DENND4C: variants seen among roughly 807,000 people sequenced by gnomAD.
DENND4C encodes the protein DENN domain containing 4C, also known as DENN domain-containing protein 4C.
DENND4C carries 108 observed loss-of-function variants against 203.0 expected under a neutral mutation model. The observed-to-expected ratio is 0.53, with a 90% CI of 0.46 to 0.62. The LOEUF is 0.62. Ranked by LOEUF, DENND4C falls within the 20% of genes least tolerant of loss-of-function variation. The pLI is 0.00. For missense variants in DENND4C, 2,481 were observed against 2,301.2 expected, an observed-to-expected ratio of 1.08 and a Z score of -1.60; for synonymous variants, 871 against 792.4, an observed-to-expected ratio of 1.10 and a Z score of -1.67.
At chr9:19,241,151 C>T (rs1279268199) in intron 1 of DENND4C, among the ~76,000 whole-genome samples, 1 of 152,064 alleles carries the variant, frequency 6.6e-6, no homozygotes, top group Admixed American at 6.6e-5. Flanking sequence ...ATTACTGTGC[C>T]CTACTGTACA....
In DENND4C at chr9:19,308,097, T is replaced by C. The variant is rs147320767; in HGVS notation, c.1487+2570T>C. On this transcript the variant is annotated intron_variant, in intron 10 of 32. Transcript: ENST00000434457. The stretch of plus-strand genomic sequence containing the variant: ...AGTTCATTTTCAACAGTGATCAATG[T>C]TGATGGACATCTAGGTTGTATCTAG... Among the ~76,000 whole-genome samples the C allele has an allele frequency of 1.1e-4, 17 of 152,330 alleles. 1 individual carries two copies. The East Asian group carries it at 3.3e-3, about 29-fold the overall frequency.
At chr9:19,360,788 G>A (rs1316105194) in intron 29 of DENND4C, among the ~76,000 whole-genome samples, 13 of 152,162 alleles carry the variant, frequency 8.5e-5, no homozygotes, top group Non-Finnish European at 1.2e-4. Flanking sequence ...TGGATGGAGA[G>A]GAGAGTATGT....
At chr9:19,237,258 A>G (rs1472017318) in intron 1 of DENND4C, among the ~76,000 whole-genome samples, 2 of 152,052 alleles carry the variant, frequency 1.3e-5, no homozygotes, top group Non-Finnish European at 2.9e-5. Context: ...ACCTCAGGTG[A>G]TCCGCCCACC....
intron 30 of DENND4C, among the ~76,000 whole-genome samples, chr9:19,364,739 A>T (rs996823307): frequency 2.6e-5 from 4 of 152,136 alleles, no homozygotes; most frequent in African/African-American, 9.7e-5. Flanking sequence ...CTAAAAATAC[A>T]AAAAAATTTG....
At chr9:19,370,411 A>C (rs1828581136) in intron 31 of DENND4C, among the ~76,000 whole-genome samples, 1 of 152,008 alleles carries the variant, frequency 6.6e-6, no homozygotes, top group South Asian at 2.1e-4. Flanking sequence ...CTGTGATCAC[A>C]CCGCTGCACT....
At chr9:19,232,853 A>C (rs1399157881) in intron 1 of DENND4C, among the ~76,000 whole-genome samples, 1 of 152,148 alleles carries the variant, frequency 6.6e-6, no homozygotes, top group African/African-American at 2.4e-5. Context: ...TTACATTATA[A>C]ATAATAACTC....
chr9:19,312,215 T>C (rs982837398), intron 10 of DENND4C, among the ~76,000 whole-genome samples: 1 of 152,288 alleles, frequency 6.6e-6, no homozygotes, highest in African/African-American at 2.4e-5. Context: ...GCAATTCTTA[T>C]GCCTCAGCCT....
chr9:19,270,855 T>C lies in DENND4C; in HGVS notation c.-17-5303T>C, dbSNP rs909574625. On this transcript the variant is annotated intron_variant, in intron 1 of 32. Coordinates refer to ENST00000434457, the MANE Select transcript of DENND4C (RefSeq NM_001330640.2). ...AGTCTGATAGAATCTACAAAATTGC[T>C]CTAAACTAATAAGTGATTTTAGCAG... Among the ~76,000 whole-genome samples, 5 of 152,258 alleles carry C rather than the reference T, an allele frequency of 3.3e-5. 1 individual carries two copies. In the South Asian group the frequency reaches 1.0e-3, roughly 32 times the overall value.
intron 26 of DENND4C, among the ~76,000 whole-genome samples, chr9:19,352,931 C>A (rs1318082192): frequency 1.3e-5 from 2 of 152,024 alleles, no homozygotes; most frequent in Non-Finnish European, 2.9e-5. Context: ...GTCAGGAGTT[C>A]AAGACCAGCC....
chr9:19,272,427 C>A (rs7470961), intron 1 of DENND4C, among the ~76,000 whole-genome samples: 91,609 of 150,318 alleles, frequency 0.61, 28,382 homozygotes, highest in South Asian at 0.78. Flanking sequence ...TCTCAAAAAA[C>A]AAAAACAAAA....
intron 2 of DENND4C, among the ~76,000 whole-genome samples, chr9:19,277,308 A>T (rs1203393975): frequency 6.6e-6 from 1 of 152,176 alleles, no homozygotes; most frequent in East Asian, 1.9e-4. Context: ...ATATTAAACG[A>T]TTCAGCTTGT....
chr9:19,293,002 T>C (rs1180526891), intron 5 of DENND4C, among the ~76,000 whole-genome samples: 3 of 152,224 alleles, frequency 2.0e-5, no homozygotes, highest in African/African-American at 7.2e-5. Flanking sequence ...ATAATATATG[T>C]AAAGTATCCA....
chr9:19,299,362 T>G, intron 8 of DENND4C, 75 bp downstream of exon 8: 1 of 983,068 alleles, frequency 1.0e-6, no homozygotes, highest in Non-Finnish European at 1.5e-6. Flanking sequence ...GTGATTAGTA[T>G]ATTATTAATA....
chr9:19,249,299 C>G (rs983526278), intron 1 of DENND4C, among the ~76,000 whole-genome samples: 3 of 151,206 alleles, frequency 2.0e-5, no homozygotes, highest in Admixed American at 1.3e-4. Context: ...ATCCCCCAGG[C>G]TGGAGTGCAA....
chr9:19,242,853 A>G (rs1824122424), intron 1 of DENND4C, among the ~76,000 whole-genome samples: 1 of 151,846 alleles, frequency 6.6e-6, no homozygotes, highest in Non-Finnish European at 1.5e-5. Flanking sequence ...ATGGGGTTTC[A>G]CCATGTTGGC....
Position 19,356,810 on chromosome 9 carries a change from A to AGAGAGAGAGAGAGT in DENND4C, c.4782-155_4782-154insAGAGAGTGAGAGAG, listed in dbSNP as rs1447525810. 9.3e-3 allele frequency among the ~76,000 whole-genome samples: 1,361 copies of AGAGAGAGAGAGAGT among 146,404 alleles called. 12 individuals carry two copies. Among genetic ancestry groups the AGAGAGAGAGAGAGT allele is most frequent in the African/African-American group, 0.025 (964 of 38,140 alleles). ...GTGTGAGAGAGAGAGAGAGAGAGAG[A>AGAGAGAGAGAGAGT]GAGAGAGTGAGAGTGTATTGGAAAT... is the stretch of plus-strand genomic sequence containing the variant. On this transcript the variant is annotated intron_variant, in intron 26 of 32. Coordinates refer to ENST00000434457, the MANE Select transcript of DENND4C (RefSeq NM_001330640.2).
chr9:19,275,920 C>G (rs902289358), intron 1 of DENND4C, among the ~76,000 whole-genome samples: 3 of 152,078 alleles, frequency 2.0e-5, no homozygotes, highest in African/African-American at 7.2e-5. Flanking sequence ...GTTTAATTAT[C>G]CTTAATAGAA....
At position 19,346,689 on chromosome 9, in the gene DENND4C, A is replaced by T. The variant is rs574079121; in HGVS notation, c.3920A>T (p.Glu1307Val). The T allele has an allele frequency of 6.8e-6, 11 of 1,614,220 alleles. 1 individual carries two copies. The Admixed American group carries it at 1.8e-4, about 27-fold the overall frequency. Reference protein sequence around the residue: ...SKSSSMELHREENRESGMTTA... With the variant: ...SKSSSMELHRVENRESGMTTA... Reference sequence around the variant, plus strand: ...TCTTCTAGTATGGAATTACACAGAGAGGAAAACAGAGAGTCTGGCATGACT... The same window carrying T: ...TCTTCTAGTATGGAATTACACAGAGTGGAAAACAGAGAGTCTGGCATGACT... The change falls in exon 23 of 33, where the codon GAG becomes GTG. Residue 1307 changes from glutamate (E) to valine (V), a missense_variant. By Grantham distance (121) the Glu-to-Val change is moderately radical (BLOSUM62 -2). Transcript: ENST00000434457.
intron 2 of DENND4C, among the ~76,000 whole-genome samples, chr9:19,286,529 A>G (rs1192208180): frequency 6.6e-6 from 1 of 152,172 alleles, no homozygotes. Flanking sequence ...TCCTGTTTAC[A>G]CTTCTTAAAT....
Sources: gnomAD v4.1 joint callset for allele counts (sites outside exome capture counted in the v4.1 genomes callset) on GRCh38, gnomAD v4.1.1 for gene constraint, MANE v1.5 for transcripts, NCBI Gene and HGNC (gene_info 2026-07-23, HGNC 2026-07-21) for gene names.